NAALADL2: variants seen among roughly 807,000 people sequenced by gnomAD.
The protein encoded by NAALADL2 is N-acetylated alpha-linked acidic dipeptidase like 2.
In NAALADL2, 76 loss-of-function variants were observed where a neutral mutation model predicts 87.2. The ratio of observed to expected loss-of-function variants is 0.87; its 90% CI spans 0.72 to 1.05. The LOEUF (loss-of-function observed/expected upper bound fraction) is 1.05, where lower values mean the gene tolerates loss of function less well. NAALADL2 is among the 50% of genes least tolerant of loss of function. The pLI is 0.00. For synonymous variants in NAALADL2, 354 were observed against 331.0 expected (o/e 1.07, Z -0.75); for missense variants, 1,089 against 945.8 (o/e 1.15, Z -1.99).
At chr3:175,180,783 A>G (rs936953288) in intron 2 of NAALADL2, among the ~76,000 whole-genome samples, 2 of 151,712 alleles carry the variant, frequency 1.3e-5, no homozygotes, top group Non-Finnish European at 2.9e-5. Flanking sequence ...ACTATTTGTT[A>G]TGTTGCTGGC....
At chr3:175,628,229 A>G (rs978677049) in intron 11 of NAALADL2, among the ~76,000 whole-genome samples, 2 of 151,750 alleles carry the variant, frequency 1.3e-5, no homozygotes, top group Admixed American at 6.6e-5. Flanking sequence ...ACTTTTTTCT[A>G]TAAAATAGGC....
rs554035331 is a variant in NAALADL2, at chr3:175,332,746, G to A, written c.1090+8421G>A. 1.8e-4 allele frequency among the ~76,000 whole-genome samples: 28 copies of A among 152,190 alleles called. 1 individual carries two copies. The highest frequency in any genetic ancestry group is 1.0e-3 in the Admixed American group (16 of 15,292). Reference sequence around the variant, plus strand: ...ATGTTCTGTCAATGTCTGTTAGGTCGGCTTGTTGCAAAGAGCAATTTAACT... The same window carrying A: ...ATGTTCTGTCAATGTCTGTTAGGTCAGCTTGTTGCAAAGAGCAATTTAACT... On this transcript the variant is annotated intron_variant, in intron 5 of 13. Transcript: ENST00000454872.
At position 175,167,241 on chromosome 3, in the gene NAALADL2, G is replaced by C. The variant is rs183513636; in HGVS notation, c.546-66690G>C. On this transcript the variant is annotated intron_variant, in intron 2 of 13. Transcript: ENST00000454872. ...ACAATACATAAAATAATAAGCGTGA[G>C]GGTGTTCCAATAACACTTTATTTAC... is the stretch of plus-strand genomic sequence containing the variant. Among the ~76,000 whole-genome samples the C allele has an allele frequency of 2.0e-4, 31 of 152,156 alleles. No homozygotes were observed. In the East Asian group the frequency reaches 5.8e-3, roughly 28 times the overall value.
intron 12 of NAALADL2, among the ~76,000 whole-genome samples, chr3:175,747,752 C>T (rs961417565): frequency 6.6e-6 from 1 of 151,998 alleles, no homozygotes; most frequent in African/African-American, 2.4e-5. Flanking sequence ...AGAATAAACT[C>T]CACCTGAATT....
chr3:174,613,941 G>C (rs1720192977), intron 2 of NAALADL2, among the ~76,000 whole-genome samples: 1 of 152,166 alleles, frequency 6.6e-6, no homozygotes. Context: ...AAGGCAGCAG[G>C]ATCCCTTTTG....
chr3:175,277,808 T>G (rs1361303924), intron 4 of NAALADL2, among the ~76,000 whole-genome samples: 1 of 152,138 alleles, frequency 6.6e-6, no homozygotes, highest in Non-Finnish European at 1.5e-5. Flanking sequence ...CTCAGGACAT[T>G]TATCATTCTA....
At chr3:174,962,149 G>A (rs920212853) in intron 1 of NAALADL2, among the ~76,000 whole-genome samples, 2 of 151,466 alleles carry the variant, frequency 1.3e-5, no homozygotes, top group East Asian at 2.0e-4. Flanking sequence ...GAGATCTCTC[G>A]CCAACAGCCA....
chr3:175,366,860 A>T (rs946711543), intron 5 of NAALADL2, among the ~76,000 whole-genome samples: 10 of 151,760 alleles, frequency 6.6e-5, no homozygotes, highest in African/African-American at 9.7e-5. Flanking sequence ...GCTCTTTAGT[A>T]TAATTAGATC....
chr3:175,598,781 C>T (rs928611148), intron 10 of NAALADL2, among the ~76,000 whole-genome samples: 17 of 152,118 alleles, frequency 1.1e-4, no homozygotes, highest in African/African-American at 4.1e-4. Context: ...GTTACTTAAT[C>T]CTTCACAGTG....
chr3:174,599,028 A>G (rs1718192173), intron 2 of NAALADL2, among the ~76,000 whole-genome samples: 2 of 152,046 alleles, frequency 1.3e-5, no homozygotes, highest in Admixed American at 6.5e-5. Context: ...AAGTAATTCT[A>G]CTCAGCTTGT....
At chr3:174,611,748 G>A (rs375693378) in intron 2 of NAALADL2, among the ~76,000 whole-genome samples, 65 of 151,460 alleles carry the variant, frequency 4.3e-4, no homozygotes, top group African/African-American at 1.5e-3. Context: ...ATGCCGCCAC[G>A]CCTGGCTAAT....
chr3:174,821,293 C>T (rs1721387648), intron 3 of NAALADL2, among the ~76,000 whole-genome samples: 1 of 151,912 alleles, frequency 6.6e-6, no homozygotes, highest in Non-Finnish European at 1.5e-5. Flanking sequence ...CTCATTTATA[C>T]TAATACGGAT....
Position 175,803,197 on chromosome 3 carries a change from G to T in NAALADL2, c.2382G>T (p.Lys794Asn), listed in dbSNP as rs763048265. The change falls in exon 14 of 14, where the codon AAG becomes AAT. Residue 794 changes from lysine to asparagine, a missense_variant. Physicochemically the swap from Lys to Asn is moderately conservative, Grantham distance 94. Coordinates refer to ENST00000454872, the MANE Select transcript of NAALADL2 (RefSeq NM_207015.3). ...TGTTCAAGAGTGTCTTGGATGGGAAGAATTGAGAAAACTCTGAGCATTTTT... is the reference window on the plus strand; with the variant it reads ...TGTTCAAGAGTGTCTTGGATGGGAATAATTGAGAAAACTCTGAGCATTTTT... ...LDVFKSVLDG[K>N]N The T allele has an allele frequency of 4.4e-6, 7 of 1,594,718 alleles. No individual in the cohort carries two copies. The highest frequency in any genetic ancestry group is 2.2e-5 in the East Asian group (1 of 44,588).
intron 2 of NAALADL2, among the ~76,000 whole-genome samples, chr3:175,214,166 G>A (rs768870217): frequency 5.9e-5 from 9 of 152,210 alleles, no homozygotes; most frequent in African/African-American, 1.9e-4. Flanking sequence ...TTGATAGGTT[G>A]TGTTTATTAT....
chr3:175,353,116 GT>G (rs1052052835), intron 5 of NAALADL2, among the ~76,000 whole-genome samples: 14 of 148,330 alleles, frequency 9.4e-5, no homozygotes, highest in Admixed American at 4.0e-4. Context: ...AAATGTGTGT[GT>G]GTGTGTGTGT....
chr3:174,695,064 CAGAA>C (rs886653042), intron 2 of NAALADL2, among the ~76,000 whole-genome samples: 1 of 151,940 alleles, frequency 6.6e-6, no homozygotes, highest in Admixed American at 6.6e-5. Flanking sequence ...ATTATTAAGA[CAGAA>C]AGGGATTTTA....
At chr3:175,639,719 C>A (rs1403322180) in intron 11 of NAALADL2, among the ~76,000 whole-genome samples, 1 of 152,068 alleles carries the variant, frequency 6.6e-6, no homozygotes, top group Non-Finnish European at 1.5e-5. Flanking sequence ...TTAAAAAAAT[C>A]ACTTACTGGA....
chr3:174,624,494 C>G (rs13323328), intron 2 of NAALADL2, among the ~76,000 whole-genome samples: 23,766 of 151,794 alleles, frequency 0.16, 2,167 homozygotes, highest in African/African-American at 0.24. Flanking sequence ...AGTGGTGGTA[C>G]ACACCTGTAA....
chr3:175,513,814 G>T (rs1731488686), intron 9 of NAALADL2, among the ~76,000 whole-genome samples: 1 of 152,138 alleles, frequency 6.6e-6, no homozygotes, highest in African/African-American at 2.4e-5. Context: ...TATACAAAGG[G>T]TCATCAAGCT....
Sources: allele counts gnomAD v4.1 joint callset (sites outside exome capture counted in the v4.1 genomes callset), GRCh38; gene constraint gnomAD v4.1.1; transcripts MANE v1.5; gene names NCBI Gene and HGNC (gene_info 2026-07-23, HGNC 2026-07-21).